ARHGAP32: variants seen among roughly 807,000 people sequenced by gnomAD.
The protein encoded by ARHGAP32 is rho GTPase-activating protein 32.
In ARHGAP32, 51 loss-of-function variants were observed where a neutral mutation model predicts 186.5. That is an observed-to-expected ratio of 0.27 (90% CI 0.22 to 0.35). The LOEUF (loss-of-function observed/expected upper bound fraction) is 0.35. Among genes scored for constraint, ARHGAP32 ranks in the 10% least tolerant of loss-of-function variants. The probability of loss-of-function intolerance (pLI) is 1.00; values close to 1 mark genes in which losing one functional copy is unlikely to be tolerated. For synonymous variants in ARHGAP32, 950 were observed against 964.3 expected, an observed-to-expected ratio of 0.99 and a Z score of 0.27; for missense variants, 2,186 against 2,623.5, an observed-to-expected ratio of 0.83 and a Z score of 3.64.
At chr11:129,142,456 A>T (rs577889908) in intron 2 of ARHGAP32, among the ~76,000 whole-genome samples, 1 of 152,192 alleles carries the variant, frequency 6.6e-6, no homozygotes, top group Non-Finnish European at 1.5e-5. Context: ...AAGGCACCGT[A>T]GTCAAATAAC....
At chr11:129,005,780 G>A (rs1411916327) in intron 11 of ARHGAP32, among the ~76,000 whole-genome samples, 5 of 152,110 alleles carry the variant, frequency 3.3e-5, no homozygotes, top group Non-Finnish European at 1.5e-5. Flanking sequence ...TGTTTGGATA[G>A]CGATATCTTT....
intron 10 of ARHGAP32, among the ~76,000 whole-genome samples, chr11:129,045,964 C>T (rs971709851): frequency 6.6e-6 from 1 of 152,194 alleles, no homozygotes; most frequent in Admixed American, 6.5e-5. Flanking sequence ...GGAGACCTCC[C>T]TGTTGACTGT....
intron 1 of ARHGAP32, among the ~76,000 whole-genome samples, chr11:129,233,191 C>T (rs1319043054): frequency 6.6e-6 from 1 of 151,890 alleles, no homozygotes; most frequent in Non-Finnish European, 1.5e-5. Flanking sequence ...GAGATGTGCA[C>T]TGAAATAGCA....
intron 10 of ARHGAP32, among the ~76,000 whole-genome samples, chr11:129,058,890 T>C (rs1168124181): frequency 1.3e-5 from 2 of 152,316 alleles, no homozygotes; most frequent in East Asian, 3.9e-4. Flanking sequence ...ACGCTTACAA[T>C]TTAAAAATAC....
intron 1 of ARHGAP32, among the ~76,000 whole-genome samples, chr11:129,188,700 C>G (rs1944214641): frequency 6.6e-6 from 1 of 152,154 alleles, no homozygotes; most frequent in African/African-American, 2.4e-5. Context: ...CATTGTCCCC[C>G]CCAATTAAAA....
chr11:129,226,819 A>C (rs1349621848), intron 1 of ARHGAP32, among the ~76,000 whole-genome samples: 1 of 152,096 alleles, frequency 6.6e-6, no homozygotes, highest in Non-Finnish European at 1.5e-5. Context: ...AGATAAACAG[A>C]GACTAAGAGA....
chr11:129,175,228 G>A (rs199982947), intron 1 of ARHGAP32, among the ~76,000 whole-genome samples: 2 of 76,328 alleles, frequency 2.6e-5, no homozygotes, highest in African/African-American at 5.6e-5. Flanking sequence ...GAAGCAAGAA[G>A]GGAAGTTTAG....
chr11:129,152,628 G>T (rs961648638), intron 2 of ARHGAP32, among the ~76,000 whole-genome samples: 1 of 151,882 alleles, frequency 6.6e-6, no homozygotes, highest in African/African-American at 2.4e-5. Context: ...AAATTTATAA[G>T]AAAAAATCAT....
chr11:129,177,948 T>G (rs1293797958), intron 1 of ARHGAP32, among the ~76,000 whole-genome samples: 1 of 152,020 alleles, frequency 6.6e-6, no homozygotes, highest in Admixed American at 6.5e-5. Flanking sequence ...CCAGGGCAAT[T>G]AGGCAGGAGA....
chr11:129,098,326 A>AACTCC (rs1174542361), intron 5 of ARHGAP32, among the ~76,000 whole-genome samples: 2 of 152,236 alleles, frequency 1.3e-5, no homozygotes, highest in Non-Finnish European at 2.9e-5. Context: ...AATGATATGT[A>AACTCC]ACTCCACTTT....
At chr11:128,995,750 G>A (rs1316926769) in intron 12 of ARHGAP32, among the ~76,000 whole-genome samples, 2 of 152,200 alleles carry the variant, frequency 1.3e-5, no homozygotes, top group African/African-American at 4.8e-5. Context: ...GAGGCAGGAG[G>A]ACAGCTTGAG....
rs1452977603 is a variant in ARHGAP32 at position 128,974,215 on chromosome 11, C to T, written c.2982G>A (p.Val994=). The T allele has an allele frequency of 2.5e-6, 4 of 1,614,206 alleles. No homozygotes were observed. In the Admixed American group the frequency reaches 6.7e-5, roughly 27 times the overall value. ...YESEVQPLDQ[V]AAEEVELPGK... ...CTGGCAATTCTACTTCTTCAGCAGC[C>T]ACCTGGTCCAGGGGCTGGACTTCAG... Residue 994 remains valine, a synonymous_variant, in exon 21 of 23, where the codon GTG becomes GTA. Coordinates refer to ENST00000682385, the MANE Select transcript of ARHGAP32 (RefSeq NM_001378024.1).
chr11:129,031,758 T>C (rs1939121819), intron 11 of ARHGAP32, among the ~76,000 whole-genome samples: 1 of 152,150 alleles, frequency 6.6e-6, no homozygotes, highest in South Asian at 2.1e-4. Context: ...TTCCCACCCC[T>C]ACAATTGTTG....
chr11:129,233,197 T>C (rs10219187), intron 1 of ARHGAP32, among the ~76,000 whole-genome samples: 44,226 of 151,924 alleles, frequency 0.29, 6,751 homozygotes, highest in Middle Eastern at 0.4. Flanking sequence ...TGCACTGAAA[T>C]AGCAACAGAT....
intron 2 of ARHGAP32, among the ~76,000 whole-genome samples, chr11:129,142,474 T>C (rs1943076067): frequency 6.6e-6 from 1 of 152,162 alleles, no homozygotes. Flanking sequence ...AACATACATA[T>C]GTATATTTAT....
At chr11:129,041,288 T>C (rs1245175174) in intron 10 of ARHGAP32, among the ~76,000 whole-genome samples, 6 of 152,216 alleles carry the variant, frequency 3.9e-5, no homozygotes, top group African/African-American at 9.6e-5. Context: ...TGAATTAAAA[T>C]ATTTAGTCTG....
chr11:129,216,455 G>A (rs1944647097), intron 1 of ARHGAP32, among the ~76,000 whole-genome samples: 3 of 151,890 alleles, frequency 2.0e-5, no homozygotes, highest in South Asian at 4.2e-4. Flanking sequence ...GCCCAGGCAG[G>A]TGTATTACTT....
At chr11:129,149,936 T>C (rs2135450031) in intron 2 of ARHGAP32, among the ~76,000 whole-genome samples, 1 of 151,694 alleles carries the variant, frequency 6.6e-6, no homozygotes, top group East Asian at 1.9e-4. Context: ...GAGAAATAGG[T>C]ATCATAAAGA....
chr11:129,130,617 T>C (rs1942788568), intron 2 of ARHGAP32, among the ~76,000 whole-genome samples: 1 of 151,530 alleles, frequency 6.6e-6, no homozygotes, highest in Non-Finnish European at 1.5e-5. Context: ...CTACTCAGTG[T>C]CATTATTCAT....
Sources: gnomAD v4.1 joint callset for allele counts (sites outside exome capture counted in the v4.1 genomes callset) on GRCh38, gnomAD v4.1.1 for gene constraint, MANE v1.5 for transcripts, NCBI Gene and HGNC (gene_info 2026-07-23, HGNC 2026-07-21) for gene names.